ARHGAP6: variants seen among roughly 807,000 people sequenced by gnomAD.
ARHGAP6 encodes Rho GTPase activating protein 6, also known as rho GTPase-activating protein 6.
In ARHGAP6, 16 loss-of-function variants were observed where a neutral mutation model predicts 55.7. The ratio of observed to expected loss-of-function variants is 0.29; its 90% CI spans 0.19 to 0.44. The LOEUF is 0.44. Among genes scored for constraint, ARHGAP6 ranks in the 20% least tolerant of loss-of-function variants. The pLI, the probability that ARHGAP6 is intolerant of heterozygous loss-of-function variation, is 1.00. For missense variants in ARHGAP6, 698 were observed against 808.9 expected, an observed-to-expected ratio of 0.86 and a Z score of 1.66; for synonymous variants, 382 against 360.9, an observed-to-expected ratio of 1.06 and a Z score of -0.66.
chrX:11,303,451 T>C (rs1365109857), intron 1 of ARHGAP6, among the ~76,000 whole-genome samples: 1 of 111,795 alleles, frequency 8.9e-6, no homozygotes, highest in Non-Finnish European at 1.9e-5. Flanking sequence ...GAGTGGTCAT[T>C]TGGGTTCGAA....
intron 1 of ARHGAP6, among the ~76,000 whole-genome samples, chrX:11,383,810 G>T (rs1952305392): frequency 9.0e-6 from 1 of 111,331 alleles, no homozygotes; most frequent in Admixed American, 9.6e-5. Context: ...CAGAAAATAT[G>T]AGTACTGGAG....
At chrX:11,195,465 G>A in intron 3 of ARHGAP6, among the ~76,000 whole-genome samples, 1 of 111,325 alleles carries the variant, frequency 9.0e-6, no homozygotes, top group Admixed American at 9.5e-5. Context: ...AGTGGCTAAA[G>A]TTTTAGTTTC....
At position 11,216,200 on chromosome X, in the gene ARHGAP6, T is replaced by TAA. The variant is rs112779032; in HGVS notation, c.749-19206_749-19205dup. On this transcript the variant is annotated intron_variant, in intron 2 of 12. Coordinates refer to ENST00000337414, the MANE Select transcript of ARHGAP6 (RefSeq NM_013427.3). ...AATGTCCACAACAGCGTCTTCCTCT[T>TAA]AAAAAAAAAAAAAAGGTGTGTCTTT... 3.4e-3 allele frequency among the ~76,000 whole-genome samples: 328 copies of TAA among 96,327 alleles called. 2 individuals are homozygous for TAA. Among genetic ancestry groups the TAA allele is most frequent in the African/African-American group, 0.011 (289 of 26,160 alleles). The allele number at this position is 96,327 out of a possible 115,157, so 83.6% of individuals were successfully genotyped here. A position where few individuals can be genotyped will look rare whatever the true frequency, so the allele number is the denominator to read the frequency against.
chrX:11,346,755 G>GAAAGAAAGAAAGAAAGAA (rs1248011202), intron 1 of ARHGAP6, among the ~76,000 whole-genome samples: 19 of 109,576 alleles, frequency 1.7e-4, no homozygotes, highest in Non-Finnish European at 3.6e-4. Flanking sequence ...AAGAAAGAAA[G>GAAAGAAAGAAAGAAAGAA]AGAGAAAGAA....
chrX:11,632,071 T>C (rs1477824457), intron 1 of ARHGAP6, among the ~76,000 whole-genome samples: 1 of 111,797 alleles, frequency 8.9e-6, no homozygotes, highest in Non-Finnish European at 1.9e-5. Context: ...GTAAATGTTC[T>C]CCTAATCTGA....
chrX:11,491,735 G>A (rs1047581235), intron 1 of ARHGAP6, among the ~76,000 whole-genome samples: 9 of 110,913 alleles, frequency 8.1e-5, no homozygotes, highest in African/African-American at 2.0e-4. Context: ...ACCCAGTAAT[G>A]GGATGGCTGG....
At chrX:11,584,454 C>T (rs1017822572) in intron 1 of ARHGAP6, among the ~76,000 whole-genome samples, 6 of 111,453 alleles carry the variant, frequency 5.4e-5, no homozygotes, top group Non-Finnish European at 7.5e-5. Flanking sequence ...TGATATTTTA[C>T]TGATGTGGCC....
intron 1 of ARHGAP6, among the ~76,000 whole-genome samples, chrX:11,633,073 C>T (rs1464248666): frequency 2.7e-5 from 3 of 112,254 alleles, no homozygotes; most frequent in Non-Finnish European, 5.6e-5. Context: ...CCCAAAACTA[C>T]ACCCTTGCTT....
At chrX:11,512,018 G>A in intron 1 of ARHGAP6, among the ~76,000 whole-genome samples, 2 of 110,598 alleles carry the variant, frequency 1.8e-5, no homozygotes, top group Middle Eastern at 9.2e-3. Context: ...AGTAGAGACA[G>A]GGTTTCACCG....
At chrX:11,233,133 T>C (rs1256533110) in intron 2 of ARHGAP6, among the ~76,000 whole-genome samples, 1 of 112,709 alleles carries the variant, frequency 8.9e-6, no homozygotes, top group Non-Finnish European at 1.9e-5. Context: ...GTTCCCATTT[T>C]CCATGAATTA....
intron 1 of ARHGAP6, among the ~76,000 whole-genome samples, chrX:11,386,372 T>C (rs1030414342): frequency 8.9e-6 from 1 of 112,537 alleles, no homozygotes; most frequent in African/African-American, 3.2e-5. Context: ...ATCTTTGCAA[T>C]ATTACTTAGA....
At chrX:11,642,615 A>G (rs2147188448) in intron 1 of ARHGAP6, among the ~76,000 whole-genome samples, 1 of 112,581 alleles carries the variant, frequency 8.9e-6, no homozygotes, top group African/African-American at 3.2e-5. Flanking sequence ...ATACAAAGGA[A>G]TGAAGTTCAG....
At chrX:11,582,167 A>G (rs2051674309) in intron 1 of ARHGAP6, among the ~76,000 whole-genome samples, 1 of 111,044 alleles carries the variant, frequency 9.0e-6, no homozygotes, top group South Asian at 3.9e-4. Context: ...GGAGCACTAG[A>G]AACACACCCA....
chrX:11,159,259 T>C (rs902229852), intron 9 of ARHGAP6, among the ~76,000 whole-genome samples: 1 of 110,942 alleles, frequency 9.0e-6, no homozygotes, highest in Non-Finnish European at 1.9e-5. Context: ...TGGGTGGGGA[T>C]CCACTGGAGA....
At chrX:11,261,173 T>G (rs893683426) in intron 1 of ARHGAP6, among the ~76,000 whole-genome samples, 5 of 111,921 alleles carry the variant, frequency 4.5e-5, no homozygotes, top group Admixed American at 1.9e-4. Flanking sequence ...GACAGTCTTT[T>G]GAAATAGCCT....
chrX:11,409,201 G>A (rs912549516), intron 1 of ARHGAP6, among the ~76,000 whole-genome samples: 1 of 112,038 alleles, frequency 8.9e-6, no homozygotes, highest in African/African-American at 3.2e-5. Flanking sequence ...TTTTCCGTAT[G>A]TTAATCCACC....
intron 1 of ARHGAP6, among the ~76,000 whole-genome samples, chrX:11,626,646 G>A (rs899684597): frequency 6.3e-5 from 7 of 111,178 alleles, no homozygotes; most frequent in Non-Finnish European, 1.3e-4. Flanking sequence ...ACCTATATCT[G>A]CATCTCATTG....
intron 8 of ARHGAP6, 149 bp from the exon 9 acceptor site, chrX:11,169,833 C>T: frequency 2.5e-6 from 1 of 405,320 alleles, no homozygotes. Flanking sequence ...TGGAGGGCAT[C>T]ATTATTTTCC....
At chrX:11,166,063 C>A (rs2046012567) in intron 9 of ARHGAP6, among the ~76,000 whole-genome samples, 1 of 112,031 alleles carries the variant, frequency 8.9e-6, no homozygotes, top group African/African-American at 3.2e-5. Flanking sequence ...ACTGTCCTAG[C>A]CAGACTCTTA....
Sources: allele counts gnomAD v4.1 joint callset (sites outside exome capture counted in the v4.1 genomes callset), GRCh38; gene constraint gnomAD v4.1.1; transcripts MANE v1.5; gene names NCBI Gene and HGNC (gene_info 2026-07-23, HGNC 2026-07-21).